The following OR9Q1 variants were observed in gnomAD, a reference collection of about 807,000 sequenced individuals.
OR9Q1 encodes olfactory receptor family 9 subfamily Q member 1.
For missense variants in OR9Q1, 374 were observed against 378.8 expected, an observed-to-expected ratio of 0.99 and a Z score of 0.11; for synonymous variants, 153 against 148.6, an observed-to-expected ratio of 1.03 and a Z score of -0.22.
At chr11:58,060,560 T>A (rs1399831053) in intron 2 of OR9Q1, among the ~76,000 whole-genome samples, 1 of 152,104 alleles carries the variant, frequency 6.6e-6, no homozygotes, top group African/African-American at 2.4e-5. Context: ...ACCTAGTGGG[T>A]GCCCATATGA....
intron 2 of OR9Q1, among the ~76,000 whole-genome samples, chr11:58,131,711 C>A (rs1399304544): frequency 6.6e-6 from 1 of 151,988 alleles, no homozygotes; most frequent in African/African-American, 2.4e-5. Flanking sequence ...CCTGTGGTCA[C>A]CTAGACTTTC....
chr11:58,109,507 TC>T (rs1853878583), intron 2 of OR9Q1: 1 of 460,848 alleles, frequency 2.2e-6, no homozygotes, highest in South Asian at 1.5e-5. Context: ...GAGTTGGGCA[TC>T]CACTTGGATT....
chr11:58,147,720 A>G (rs2441985), intron 2 of OR9Q1, among the ~76,000 whole-genome samples: 150,820 of 152,312 alleles, frequency 0.99, 74,690 homozygotes, highest in East Asian at 1. Context: ...ACGTAAAAAA[A>G]CACTGGGGAA....
At chr11:58,101,489 T>C (rs563705209) in intron 2 of OR9Q1, among the ~76,000 whole-genome samples, 12 of 152,308 alleles carry the variant, frequency 7.9e-5, no homozygotes, top group African/African-American at 2.9e-4. Flanking sequence ...ATTATTTACT[T>C]TTACTTCTTA....
intron 1 of OR9Q1, among the ~76,000 whole-genome samples, chr11:58,037,596 G>T (rs1165936072): frequency 7.4e-6 from 1 of 135,100 alleles, no homozygotes; most frequent in Non-Finnish European, 1.5e-5. Flanking sequence ...CTACTCTAAG[G>T]ATAACTATAT....
In OR9Q1 at chr11:58,180,669, A is replaced by AT. The variant is rs1043543748; in HGVS notation, c.*300dup. 1.2e-4 allele frequency: 30 copies of AT among 253,410 alleles called. No homozygotes were observed. The highest frequency in any genetic ancestry group is 2.5e-4 in the African/African-American group (11 of 44,566). The allele number at this position is 253,410 out of a possible 1,614,324, so 15.7% of individuals were successfully genotyped here. On this transcript the variant is annotated 3_prime_UTR_variant, in exon 3 of 3. Transcript: ENST00000335397. ...TCACCTGTCTGTGATTATAAGAGTA[A>AT]TTTTTTTTGCAAAATTTTTAATGAA...
chr11:58,072,069 TA>T (rs984461633), intron 2 of OR9Q1, among the ~76,000 whole-genome samples: 1 of 152,132 alleles, frequency 6.6e-6, no homozygotes, highest in African/African-American at 2.4e-5. Context: ...AAATAAAAGT[TA>T]AAAAAATTAC....
chr11:58,025,181 C>A (rs1333238567), intron 1 of OR9Q1, among the ~76,000 whole-genome samples: 1 of 152,128 alleles, frequency 6.6e-6, no homozygotes, highest in Non-Finnish European at 1.5e-5. Flanking sequence ...CCGTAAATGA[C>A]CCTTTCTTTT....
At chr11:58,082,490 G>T (rs1425400234) in intron 2 of OR9Q1, among the ~76,000 whole-genome samples, 1 of 148,868 alleles carries the variant, frequency 6.7e-6, no homozygotes, top group Admixed American at 6.8e-5. Context: ...GTAAACTATC[G>T]CAAGGACAAA....
chr11:58,142,460 G>T (rs1399500481), intron 2 of OR9Q1, among the ~76,000 whole-genome samples: 2 of 152,006 alleles, frequency 1.3e-5, no homozygotes, highest in Admixed American at 6.6e-5. Flanking sequence ...GTAAGATTTG[G>T]CCTTAAGTAT....
chr11:58,115,925 G>A (rs1853949929), intron 2 of OR9Q1, among the ~76,000 whole-genome samples: 1 of 152,056 alleles, frequency 6.6e-6, no homozygotes, highest in Non-Finnish European at 1.5e-5. Flanking sequence ...CTATATCTTG[G>A]CTGTGGTTAT....
At chr11:58,108,959 C>T in intron 2 of OR9Q1, 1 of 395,584 alleles carries the variant, frequency 2.5e-6, no homozygotes, top group Non-Finnish European at 5.1e-6. Flanking sequence ...AAGGTCTTGG[C>T]TTACCCACCT....
At chr11:58,170,236 G>A (rs182452218) in intron 2 of OR9Q1, among the ~76,000 whole-genome samples, 2 of 152,024 alleles carry the variant, frequency 1.3e-5, no homozygotes, top group African/African-American at 4.8e-5. Context: ...GGTTTGGGGG[G>A]TACTGGGACA....
At chr11:58,062,658 G>A (rs1853391193) in intron 2 of OR9Q1, among the ~76,000 whole-genome samples, 1 of 152,164 alleles carries the variant, frequency 6.6e-6, no homozygotes, top group Non-Finnish European at 1.5e-5. Context: ...AGAACTCAAA[G>A]CAGCCTGCAG....
intron 2 of OR9Q1, among the ~76,000 whole-genome samples, chr11:58,170,847 C>T (rs528016909): frequency 3.3e-5 from 5 of 152,174 alleles, no homozygotes; most frequent in Admixed American, 1.3e-4. Flanking sequence ...ATAAATTACC[C>T]GGTCTTAGGT....
chr11:58,173,836 C>T (rs1436381260), intron 2 of OR9Q1, among the ~76,000 whole-genome samples: 1 of 152,112 alleles, frequency 6.6e-6, no homozygotes, highest in Non-Finnish European at 1.5e-5. Flanking sequence ...TTCACCAATA[C>T]ATTTTGGGTA....
rs535747783 is a variant in OR9Q1 at position 58,120,642 on chromosome 11, C to T, written c.-14-58789C>T. 4.6e-5 allele frequency among the ~76,000 whole-genome samples: 7 copies of T among 151,278 alleles called. No individual in the cohort carries two copies. In the East Asian group the frequency reaches 1.4e-3, roughly 29 times the overall value. ...AAGAAGTGTAGATCAGTACCCAGCA[C>T]ATAAAGCTAAATAATGTTGGCTACT... On this transcript the variant is annotated intron_variant, in intron 2 of 2. Coordinates refer to ENST00000335397, the MANE Select transcript of OR9Q1 (RefSeq NM_001005212.4).
chr11:58,112,471 C>G (rs890849117), intron 2 of OR9Q1, among the ~76,000 whole-genome samples: 1 of 152,132 alleles, frequency 6.6e-6, no homozygotes, highest in Admixed American at 6.5e-5. Flanking sequence ...GATTGGCCAA[C>G]CACAGTACCT....
chr11:58,134,099 G>T (rs1020428695), intron 2 of OR9Q1, among the ~76,000 whole-genome samples: 2 of 152,156 alleles, frequency 1.3e-5, no homozygotes, highest in African/African-American at 4.8e-5. Context: ...AGGAGGTTAG[G>T]GATGAAAGGG....
Sources: allele counts gnomAD v4.1 joint callset (sites outside exome capture counted in the v4.1 genomes callset), GRCh38; gene constraint gnomAD v4.1.1; transcripts MANE v1.5; gene names NCBI Gene and HGNC (gene_info 2026-07-23, HGNC 2026-07-21).